The following NALCN variants were observed in gnomAD, a reference collection of about 807,000 sequenced individuals.
NALCN encodes the protein sodium leak channel, non-selective.
NALCN carries 111 observed loss-of-function variants against 225.3 expected under a neutral mutation model. The ratio of observed to expected loss-of-function variants is 0.49; its 90% CI spans 0.42 to 0.58. The LOEUF is 0.58. NALCN is among the 20% of genes least tolerant of loss of function. The pLI is 0.00. For missense variants in NALCN, 1,378 were observed against 2,202.4 expected (o/e 0.63, Z 7.49); for synonymous variants, 764 against 769.0 (o/e 0.99, Z 0.11).
intron 35 of NALCN, among the ~76,000 whole-genome samples, chr13:101,075,320 T>G (rs1409212232): frequency 1.3e-5 from 2 of 151,964 alleles, no homozygotes; most frequent in Admixed American, 1.3e-4. Context: ...CTGGGTGTGG[T>G]GGCACATGCC....
At chr13:101,266,227 T>C (rs2042591337) in intron 10 of NALCN, among the ~76,000 whole-genome samples, 1 of 152,204 alleles carries the variant, frequency 6.6e-6, no homozygotes, top group South Asian at 2.1e-4. Context: ...TCTAAGGATT[T>C]GAAAGTAGAG....
At chr13:101,380,444 G>A (rs570968347) in intron 3 of NALCN, among the ~76,000 whole-genome samples, 5 of 152,208 alleles carry the variant, frequency 3.3e-5, no homozygotes, top group African/African-American at 1.2e-4. Context: ...ACTTCATGAG[G>A]TTAAAAATTA....
At chr13:101,354,146 C>G (rs1404860307) in intron 6 of NALCN, among the ~76,000 whole-genome samples, 8 of 152,154 alleles carry the variant, frequency 5.3e-5, no homozygotes, top group Non-Finnish European at 1.2e-4. Context: ...GAATTCGAGA[C>G]CAGCCTGGCC....
At chr13:101,270,286 C>T (rs746410156) in intron 10 of NALCN, among the ~76,000 whole-genome samples, 2 of 152,082 alleles carry the variant, frequency 1.3e-5, no homozygotes, top group Non-Finnish European at 2.9e-5. Flanking sequence ...GGCTGCTAGA[C>T]AGGTGACACG....
chr13:101,166,289 A>G lies in NALCN; in HGVS notation c.1839+10011T>C, dbSNP rs112332108. On this transcript the variant is annotated intron_variant, in intron 15 of 43. Coordinates refer to ENST00000251127, the MANE Select transcript of NALCN (RefSeq NM_052867.4). Reference sequence around the variant, plus strand: ...CAGAAGTATATTTTATCATATGATCATGCTACTTTTAATTTTTTGAGGAAC... The same window carrying G: ...CAGAAGTATATTTTATCATATGATCGTGCTACTTTTAATTTTTTGAGGAAC... Among the ~76,000 whole-genome samples the G allele has an allele frequency of 3.9e-3, 587 of 152,292 alleles. 5 individuals carry two copies. Among genetic ancestry groups the G allele is most frequent in the African/African-American group, 0.013 (559 of 41,562 alleles).
intron 12 of NALCN, among the ~76,000 whole-genome samples, chr13:101,233,373 C>T (rs1050966388): frequency 6.7e-6 from 1 of 149,606 alleles, no homozygotes; most frequent in Non-Finnish European, 1.5e-5. Flanking sequence ...CGGAGTCTCC[C>T]TCTGTGGCCC....
chr13:101,060,275 G>GTTTTTTT (rs771531599), intron 41 of NALCN, among the ~76,000 whole-genome samples: 7,087 of 79,480 alleles, frequency 0.089, 1,480 homozygotes, highest in African/African-American at 0.19. Context: ...GGTGTTTTCT[G>GTTTTTTT]TTTTTTTTTT....
intron 3 of NALCN, among the ~76,000 whole-genome samples, chr13:101,380,857 AACACACACACACAC>A (rs58640505): frequency 3.4e-5 from 5 of 145,566 alleles, no homozygotes; most frequent in African/African-American, 5.1e-5. Flanking sequence ...ATGCCTAGCT[AACACACACACACAC>A]ACACACACAC....
At chr13:101,070,061 A>ATTTTTTTTTTTTTT (rs1377492353) in intron 37 of NALCN, among the ~76,000 whole-genome samples, 1 of 19,254 alleles carries the variant, frequency 5.2e-5, no homozygotes, top group African/African-American at 1.9e-4. Context: ...TGAATCATGA[A>ATTTTTTTTTTTTTT]TGTTTTTTTT....
chr13:101,247,905 G>A (rs1389196459), intron 11 of NALCN, among the ~76,000 whole-genome samples: 1 of 152,148 alleles, frequency 6.6e-6, no homozygotes, highest in Non-Finnish European at 1.5e-5. Context: ...TTATAAGTGA[G>A]AACATGCAGT....
chr13:101,145,998 A>T (rs1386830349), intron 15 of NALCN, among the ~76,000 whole-genome samples: 1 of 152,182 alleles, frequency 6.6e-6, no homozygotes, highest in Non-Finnish European at 1.5e-5. Context: ...ACAGGAAGAG[A>T]GATGGCAATG....
rs2031071040 is a variant in NALCN at position 101,055,280 on chromosome 13, T to C, written c.*15A>G. 6.2e-7 allele frequency: 1 copy of C among 1,602,156 alleles called. No individual in the cohort carries two copies. Among genetic ancestry groups the C allele is most frequent in the Admixed American group, 1.7e-5 (1 of 58,996 alleles). On this transcript the variant is annotated 3_prime_UTR_variant, in exon 44 of 44. Transcript: ENST00000251127. ...CGGTTTCCACCACTAGAAATTCATC[T>C]ACATTGACATCCACCTAAATATCCA... is the stretch of plus-strand genomic sequence containing the variant.
chr13:101,138,272 T>C (rs141160289), intron 17 of NALCN, among the ~76,000 whole-genome samples: 2 of 152,346 alleles, frequency 1.3e-5, no homozygotes, highest in Non-Finnish European at 2.9e-5. Context: ...TAAGTGCTTG[T>C]TGAATGACTG....
chr13:101,146,600 A>G (rs1370862365), intron 15 of NALCN, among the ~76,000 whole-genome samples: 1 of 149,190 alleles, frequency 6.7e-6, no homozygotes, highest in Admixed American at 6.6e-5. Flanking sequence ...AAAGCAGTTA[A>G]TCTATTAGAT....
At chr13:101,118,393 G>T (rs995299324) in intron 18 of NALCN, among the ~76,000 whole-genome samples, 4 of 151,936 alleles carry the variant, frequency 2.6e-5, no homozygotes, top group African/African-American at 9.7e-5. Flanking sequence ...AACATATTTT[G>T]ATTACCGCAA....
chr13:101,397,771 A>G (rs1297226102), intron 2 of NALCN, among the ~76,000 whole-genome samples: 1 of 152,120 alleles, frequency 6.6e-6, no homozygotes, highest in Non-Finnish European at 1.5e-5. Context: ...ATAAAAATAC[A>G]GTTATTTATA....
intron 6 of NALCN, among the ~76,000 whole-genome samples, chr13:101,360,635 TGC>T (rs1373351696): frequency 6.6e-6 from 1 of 152,164 alleles, no homozygotes; most frequent in Non-Finnish European, 1.5e-5. Context: ...AAAGTGCCAA[TGC>T]CCCTGACGAC....
At chr13:101,267,486 T>G (rs1383217279) in intron 10 of NALCN, among the ~76,000 whole-genome samples, 1 of 152,136 alleles carries the variant, frequency 6.6e-6, no homozygotes, top group Non-Finnish European at 1.5e-5. Flanking sequence ...CCACACCAAC[T>G]CCAGACTCAG....
At chr13:101,380,947 GA>G (rs2046833404) in intron 3 of NALCN, among the ~76,000 whole-genome samples, 1 of 151,468 alleles carries the variant, frequency 6.6e-6, no homozygotes, top group Non-Finnish European at 1.5e-5. Flanking sequence ...AAACAGATGT[GA>G]ACACATCCAG....
Sources: gnomAD v4.1 joint callset for allele counts (sites outside exome capture counted in the v4.1 genomes callset) on GRCh38, gnomAD v4.1.1 for gene constraint, MANE v1.5 for transcripts, NCBI Gene and HGNC (gene_info 2026-07-23, HGNC 2026-07-21) for gene names.